Variants in MBOAT1 observed in about 807,000 individuals in gnomAD.
The protein encoded by MBOAT1 is membrane-bound glycerophospholipid O-acyltransferase 1.
A neutral mutation model predicts 64.4 loss-of-function variants in MBOAT1; 67 were observed. The ratio of observed to expected loss-of-function variants is 1.04; its 90% CI spans 0.85 to 1.27. The LOEUF (loss-of-function observed/expected upper bound fraction) is 1.27, where lower values mean the gene tolerates loss of function less well. Among genes scored for constraint, MBOAT1 ranks in the 50% most tolerant of loss-of-function variants. The pLI, the probability that MBOAT1 is intolerant of heterozygous loss-of-function variation, is 0.00. For missense variants in MBOAT1, 563 were observed against 604.6 expected (o/e 0.93, Z 0.72); for synonymous variants, 229 against 218.9 (o/e 1.05, Z -0.41).
At chr6:20,163,140 C>A (rs1761912037) in intron 1 of MBOAT1, among the ~76,000 whole-genome samples, 1 of 152,158 alleles carries the variant, frequency 6.6e-6, no homozygotes, top group Non-Finnish European at 1.5e-5. Context: ...AGAAAAAATC[C>A]TGAAGTACAT....
At chr6:20,119,235 C>G (rs1165989566) in intron 8 of MBOAT1, among the ~76,000 whole-genome samples, 2 of 152,186 alleles carry the variant, frequency 1.3e-5, no homozygotes, top group Admixed American at 1.3e-4. Context: ...CATAAAGTCC[C>G]TTTAAAAGCT....
chr6:20,182,425 A>G (rs765026109), intron 1 of MBOAT1, among the ~76,000 whole-genome samples: 4 of 152,192 alleles, frequency 2.6e-5, no homozygotes, highest in Admixed American at 6.5e-5. Context: ...GAAGGACACA[A>G]ACATTCAGAC....
chr6:20,156,499 A>C (rs573876790), intron 1 of MBOAT1, among the ~76,000 whole-genome samples: 21 of 152,306 alleles, frequency 1.4e-4, no homozygotes, highest in Admixed American at 5.2e-4. Context: ...GAAACACACA[A>C]CACCACCACG....
Position 20,100,553 on chromosome 6 carries a change from C to T in MBOAT1, c.*1733G>A, listed in dbSNP as rs1185797732. Among the ~76,000 whole-genome samples the T allele has an allele frequency of 6.6e-6, 1 of 152,120 alleles. No individual in the cohort carries two copies. The highest frequency in any genetic ancestry group is 1.5e-5 in the Non-Finnish European group (1 of 68,024). On this transcript the variant is annotated 3_prime_UTR_variant, in exon 13 of 13. Coordinates refer to ENST00000324607, the MANE Select transcript of MBOAT1 (RefSeq NM_001080480.3). The stretch of plus-strand genomic sequence containing the variant: ...AAGGACTAAAGTTTGGGTTCTAGTA[C>T]TCTCCCCCAGCACCAGGACTGTTTA...
chr6:20,183,973 T>C, intron 1 of MBOAT1, among the ~76,000 whole-genome samples: 1 of 152,208 alleles, frequency 6.6e-6, no homozygotes, highest in Non-Finnish European at 1.5e-5. Flanking sequence ...GTGAGACTTA[T>C]TCACTATCAT....
chr6:20,145,950 G>A (rs2148943), intron 3 of MBOAT1, among the ~76,000 whole-genome samples: 33,842 of 152,036 alleles, frequency 0.22, 4,428 homozygotes, highest in East Asian at 0.48. Context: ...GTATGTCTCT[G>A]GTATTACATG....
At chr6:20,109,206 G>A (rs1297661469) in intron 12 of MBOAT1, among the ~76,000 whole-genome samples, 1 of 152,044 alleles carries the variant, frequency 6.6e-6, no homozygotes, top group African/African-American at 2.4e-5. Context: ...CGCATCCCCC[G>A]CTCCTGCCTC....
intron 1 of MBOAT1, among the ~76,000 whole-genome samples, chr6:20,162,105 T>G (rs1315222591): frequency 1.3e-5 from 2 of 152,152 alleles, no homozygotes; most frequent in Middle Eastern, 6.3e-3. Flanking sequence ...AATGACTTTC[T>G]TCACTACTAA....
At chr6:20,164,052 A>G (rs1206596989) in intron 1 of MBOAT1, among the ~76,000 whole-genome samples, 3 of 151,832 alleles carry the variant, frequency 2.0e-5, no homozygotes, top group Non-Finnish European at 4.4e-5. Context: ...TGCATAATAT[A>G]TATTTTTAAT....
At chr6:20,174,273 G>A (rs1762281055) in intron 1 of MBOAT1, among the ~76,000 whole-genome samples, 1 of 152,132 alleles carries the variant, frequency 6.6e-6, no homozygotes, top group African/African-American at 2.4e-5. Flanking sequence ...TGAGAAACAC[G>A]ACATTAGGCA....
chr6:20,188,888 T>C (rs1201480929), intron 1 of MBOAT1, among the ~76,000 whole-genome samples: 1 of 152,212 alleles, frequency 6.6e-6, no homozygotes, highest in African/African-American at 2.4e-5. Context: ...GGTTGTTCTT[T>C]TGTTTGAAAG....
chr6:20,178,315 C>T (rs1300148246), intron 1 of MBOAT1, among the ~76,000 whole-genome samples: 1 of 151,946 alleles, frequency 6.6e-6, no homozygotes, highest in Non-Finnish European at 1.5e-5. Context: ...TAGTTAGTCC[C>T]CAGGGATATA....
In MBOAT1 at chr6:20,124,390, C is replaced by G; in HGVS notation, c.907+18G>C. 6.2e-7 allele frequency: 1 copy of G among 1,608,662 alleles called. No homozygotes were observed. Among genetic ancestry groups the G allele is most frequent in the Non-Finnish European group, 8.5e-7 (1 of 1,176,614 alleles). ...GCATTTTTCCCTCATTCAGTTACAG[C>G]TACTCCATCAAACTTACCTAATGTC... On this transcript the variant is annotated intron_variant, in intron 8 of 12. Coordinates refer to ENST00000324607, the MANE Select transcript of MBOAT1 (RefSeq NM_001080480.3).
intron 1 of MBOAT1, 39 bp from the exon 2 acceptor site, chr6:20,152,808 A>G: frequency 1.9e-6 from 3 of 1,572,550 alleles, no homozygotes; most frequent in Non-Finnish European, 1.7e-6. Flanking sequence ...CTTTGTGTGA[A>G]TTTCGTCTTG....
chr6:20,194,824 T>G (rs1166608335), intron 1 of MBOAT1, among the ~76,000 whole-genome samples: 1 of 152,210 alleles, frequency 6.6e-6, no homozygotes, highest in Non-Finnish European at 1.5e-5. Context: ...ACAGGGAGAT[T>G]TGTCTATTTT....
At chr6:20,204,003 T>C (rs888639018) in intron 1 of MBOAT1, among the ~76,000 whole-genome samples, 3 of 152,252 alleles carry the variant, frequency 2.0e-5, no homozygotes, top group Admixed American at 2.0e-4. Flanking sequence ...GTTTTACAGA[T>C]GGGAAGCTGC....
chr6:20,121,798 T>TTC (rs70990009), intron 8 of MBOAT1, among the ~76,000 whole-genome samples: 3,743 of 150,344 alleles, frequency 0.025, 147 homozygotes, highest in African/African-American at 0.085. Context: ...ATTAGATATA[T>TTC]TCTCTCTCTC....
chr6:20,150,857 C>T (rs1415991478), intron 3 of MBOAT1, among the ~76,000 whole-genome samples: 1 of 151,888 alleles, frequency 6.6e-6, no homozygotes, highest in Non-Finnish European at 1.5e-5. Context: ...GCTGGGATTA[C>T]AGGTGTGAGC....
At chr6:20,123,898 TAC>T (rs1219352291) in intron 8 of MBOAT1, among the ~76,000 whole-genome samples, 1 of 150,030 alleles carries the variant, frequency 6.7e-6, no homozygotes, top group Non-Finnish European at 1.5e-5. Context: ...CTACTAAAAA[TAC>T]AAAAAAAATT....
Sources: allele counts gnomAD v4.1 joint callset (sites outside exome capture counted in the v4.1 genomes callset), GRCh38; gene constraint gnomAD v4.1.1; transcripts MANE v1.5; gene names NCBI Gene and HGNC (gene_info 2026-07-23, HGNC 2026-07-21).